SLC25A51: variants seen among roughly 807,000 people sequenced by gnomAD.
SLC25A51 encodes solute carrier family 25 member 51, also known as mitochondrial nicotinamide adenine dinucleotide transporter SLC25A51.
Under a neutral mutation model 19.1 loss-of-function variants are expected in SLC25A51, and 11 were observed. That is an observed-to-expected ratio of 0.58 (90% CI 0.36 to 0.96). The LOEUF (loss-of-function observed/expected upper bound fraction) is 0.96. SLC25A51 is among the 40% of genes least tolerant of loss of function. The pLI, the probability that SLC25A51 is intolerant of heterozygous loss-of-function variation, is 0.01. For synonymous variants in SLC25A51, 105 were observed against 133.6 expected (o/e 0.79, Z 1.47); for missense variants, 201 against 365.4 (o/e 0.55, Z 3.67).
chr9:37,884,750 T>C (rs1831412322), downstream of SLC25A51, among the ~76,000 whole-genome samples: 1 of 152,138 alleles, frequency 6.6e-6, no homozygotes, highest in African/African-American at 2.4e-5. Context: ...CAGAATTTGA[T>C]CCACACACAA....
downstream of SLC25A51, among the ~76,000 whole-genome samples, chr9:37,885,428 T>C (rs1187527117): frequency 1.3e-5 from 2 of 151,646 alleles, no homozygotes; most frequent in East Asian, 1.9e-4. Context: ...GGAAAAAAGC[T>C]TTGCCCATAA....
chr9:37,885,487 G>C (rs1489253364), downstream of SLC25A51, among the ~76,000 whole-genome samples: 1 of 148,482 alleles, frequency 6.7e-6, no homozygotes, highest in African/African-American at 2.6e-5. Context: ...GGCCAATTAA[G>C]AAAGAGATTC....
At chr9:37,900,295 A>C (rs1375930720) in intron 1 of SLC25A51, among the ~76,000 whole-genome samples, 1 of 152,012 alleles carries the variant, frequency 6.6e-6, no homozygotes. Flanking sequence ...CGAAAAATCC[A>C]AAATTTAGCC....
At chr9:37,891,540 T>A (rs2118334632) in intron 2 of SLC25A51, among the ~76,000 whole-genome samples, 1 of 152,340 alleles carries the variant, frequency 6.6e-6, no homozygotes, top group Middle Eastern at 3.4e-3. Flanking sequence ...GGGATGCTGT[T>A]GATCTATGAC....
At chr9:37,892,564 T>A (rs935126747) in intron 2 of SLC25A51, among the ~76,000 whole-genome samples, 32 of 151,748 alleles carry the variant, frequency 2.1e-4, no homozygotes, top group Admixed American at 1.3e-3. Flanking sequence ...ACATTATATA[T>A]ATATATTTTT....
intron 2 of SLC25A51, among the ~76,000 whole-genome samples, chr9:37,890,313 G>C (rs977068832): frequency 4.9e-4 from 75 of 152,278 alleles, no homozygotes; most frequent in African/African-American, 1.5e-3. Flanking sequence ...GAGCCAGGGA[G>C]GTCAAGGCTG....
intron 2 of SLC25A51, among the ~76,000 whole-genome samples, chr9:37,898,999 AAATC>A (rs1240591319): frequency 6.6e-6 from 1 of 152,156 alleles, no homozygotes; most frequent in Non-Finnish European, 1.5e-5. Context: ...TTACCTACTT[AAATC>A]CTAGCTCCAC....
At chr9:37,899,072 C>T (rs1040103624) in intron 2 of SLC25A51, among the ~76,000 whole-genome samples, 2 of 152,202 alleles carry the variant, frequency 1.3e-5, no homozygotes, top group African/African-American at 2.4e-5. Context: ...CTTTATAAAA[C>T]GTGGCTATTA....
chr9:37,901,357 G>A (rs927016259), intron 1 of SLC25A51, among the ~76,000 whole-genome samples: 8 of 150,320 alleles, frequency 5.3e-5, no homozygotes, highest in Admixed American at 3.3e-4. Context: ...TAGTGGAGAC[G>A]GGGTTTCACT....
intron 2 of SLC25A51, among the ~76,000 whole-genome samples, chr9:37,893,839 A>G (rs945687376): frequency 2.0e-5 from 3 of 152,156 alleles, no homozygotes; most frequent in Non-Finnish European, 2.9e-5. Flanking sequence ...CCAATTAAAC[A>G]CACAGAGAGC....
At chr9:37,892,160 C>T (rs1265438165) in intron 2 of SLC25A51, among the ~76,000 whole-genome samples, 2 of 152,086 alleles carry the variant, frequency 1.3e-5, no homozygotes, top group Non-Finnish European at 2.9e-5. Flanking sequence ...GGAGATAAGA[C>T]AGGCAAATAA....
intron 2 of SLC25A51, among the ~76,000 whole-genome samples, chr9:37,891,011 G>A (rs935041305): frequency 1.3e-5 from 2 of 152,158 alleles, no homozygotes; most frequent in Non-Finnish European, 2.9e-5. Context: ...AGAGAACCAT[G>A]ATCACTCTCA....
At chr9:37,898,576 G>A (rs978873255) in intron 2 of SLC25A51, among the ~76,000 whole-genome samples, 7 of 151,142 alleles carry the variant, frequency 4.6e-5, no homozygotes, top group Admixed American at 1.3e-4. Flanking sequence ...AAAATTAGCC[G>A]GGCATGGTGG....
intron 2 of SLC25A51, among the ~76,000 whole-genome samples, chr9:37,895,557 T>C (rs563675996): frequency 1.3e-5 from 2 of 152,276 alleles, no homozygotes; most frequent in South Asian, 4.1e-4. Flanking sequence ...ACTTCTTTAC[T>C]ATACATTTTC....
At chr9:37,889,868 C>A (rs1334420798) in intron 2 of SLC25A51, among the ~76,000 whole-genome samples, 1 of 151,668 alleles carries the variant, frequency 6.6e-6, no homozygotes, top group Non-Finnish European at 1.5e-5. Context: ...AATCCAGATC[C>A]AAATAGCTGG....
In SLC25A51 at chr9:37,898,327, G is replaced by A. The variant is rs567027523; in HGVS notation, c.-43+1502C>T. ...TCCCAGCACTTTGGGAGGCTGAGACGGGTGGATCACCTGAGGTCAGGAGTT... is the reference window on the plus strand; with the variant it reads ...TCCCAGCACTTTGGGAGGCTGAGACAGGTGGATCACCTGAGGTCAGGAGTT... On this transcript the variant is annotated intron_variant, in intron 2 of 2. Transcript: ENST00000242275. 6.2e-4 allele frequency among the ~76,000 whole-genome samples: 95 copies of A among 152,218 alleles called. 1 individual carries two copies. The highest frequency in any genetic ancestry group is 2.1e-3 in the African/African-American group (89 of 41,554).
At chr9:37,903,101 C>T (rs1490624922) in intron 1 of SLC25A51, among the ~76,000 whole-genome samples, 2 of 152,172 alleles carry the variant, frequency 1.3e-5, no homozygotes, top group South Asian at 2.1e-4. Context: ...AGCTTGTTTT[C>T]CCCTGAGATG....
chr9:37,887,185 C>T (rs141603187), downstream of SLC25A51, among the ~76,000 whole-genome samples: 2,915 of 152,068 alleles, frequency 0.019, 41 homozygotes, highest in Non-Finnish European at 0.031. Flanking sequence ...GGCGTGGTGG[C>T]GGGCGCCTGT....
chr9:37,897,349 C>T (rs1831740230), intron 2 of SLC25A51, among the ~76,000 whole-genome samples: 1 of 152,056 alleles, frequency 6.6e-6, no homozygotes, highest in African/African-American at 2.4e-5. Context: ...GCCACTTTGC[C>T]CTGCCTGATT....
Sources: gnomAD v4.1 joint callset for allele counts (sites outside exome capture counted in the v4.1 genomes callset) on GRCh38, gnomAD v4.1.1 for gene constraint, MANE v1.5 for transcripts, NCBI Gene and HGNC (gene_info 2026-07-23, HGNC 2026-07-21) for gene names.